The following PCDH7 variants were observed in gnomAD, a reference collection of about 807,000 sequenced individuals.
PCDH7 encodes protocadherin-7.
A neutral mutation model predicts 58.9 loss-of-function variants in PCDH7; 17 were observed. That is an observed-to-expected ratio of 0.29 (90% confidence interval 0.20 to 0.43). The LOEUF (loss-of-function observed/expected upper bound fraction) is 0.43, where lower values mean the gene tolerates loss of function less well. Among genes scored for constraint, PCDH7 ranks in the 20% least tolerant of loss-of-function variants. The pLI, the probability that PCDH7 is intolerant of heterozygous loss-of-function variation, is 1.00. For missense variants in PCDH7, 1,274 were observed against 1,441.0 expected (o/e 0.88, Z 1.88); for synonymous variants, 664 against 616.4 (o/e 1.08, Z -1.14).
chr4:30,774,549 A>G (rs1020604534), intron 1 of PCDH7, among the ~76,000 whole-genome samples: 4 of 152,184 alleles, frequency 2.6e-5, no homozygotes, highest in African/African-American at 9.7e-5. Context: ...GCTAGGCACA[A>G]CAGAAGCCGG....
At chr4:30,984,981 G>A (rs1750851553) in intron 3 of PCDH7, among the ~76,000 whole-genome samples, 1 of 151,998 alleles carries the variant, frequency 6.6e-6, no homozygotes, top group Non-Finnish European at 1.5e-5. Context: ...TGTTGTTGTT[G>A]TTTTGGACAG....
chr4:30,804,757 T>C (rs1725971894), intron 1 of PCDH7, among the ~76,000 whole-genome samples: 1 of 152,160 alleles, frequency 6.6e-6, no homozygotes, highest in Admixed American at 6.5e-5. Context: ...AAGATTATTA[T>C]ATCGCCAGAA....
Position 30,723,609 on chromosome 4 carries a change from G to T in PCDH7, c.2187G>T (p.Ser729=), listed in dbSNP as rs758865108. 1.9e-6 allele frequency: 3 copies of T among 1,614,136 alleles called. No homozygotes were observed. The highest frequency in any genetic ancestry group is 2.5e-6 in the Non-Finnish European group (3 of 1,180,024). Residue 729 remains serine (S), a synonymous_variant, in exon 1 of 2, where the codon TCG becomes TCT. Coordinates refer to ENST00000361762, the Ensembl canonical transcript of PCDH7. The surrounding 1 kb of genome is among the most constrained non-coding windows in gnomAD (Gnocchi z 4.6). The stretch of plus-strand genomic sequence containing the variant: ...CCAGATCTGCCACAGCTACAGTCTC[G>T]CTTTTTGTGATGGATGAAAATGACA...
At chr4:30,989,110 G>T (rs1006856302) in intron 3 of PCDH7, among the ~76,000 whole-genome samples, 1 of 151,864 alleles carries the variant, frequency 6.6e-6, no homozygotes, top group African/African-American at 2.4e-5. Context: ...TGCCTGAATT[G>T]TGAATGCAAA....
At chr4:30,874,977 C>T (rs768999813) in intron 1 of PCDH7, among the ~76,000 whole-genome samples, 9 of 151,956 alleles carry the variant, frequency 5.9e-5, no homozygotes, top group Non-Finnish European at 8.8e-5. Flanking sequence ...ACAAATTCTC[C>T]CACCTTCACC....
At chr4:31,044,813 C>A (rs1004150373) in intron 3 of PCDH7, among the ~76,000 whole-genome samples, 17 of 152,010 alleles carry the variant, frequency 1.1e-4, no homozygotes, top group African/African-American at 4.1e-4. Context: ...TTCACTATAG[C>A]TGTCTTTCCT....
Position 31,078,435 on chromosome 4 carries a change from A to G in PCDH7, c.*8-64038A>G, listed in dbSNP as rs562474092. On this transcript the variant is annotated intron_variant, in intron 3 of 3. Transcript: ENST00000509759. ...GTAGCCAGGGCTACAGGCACATGTC[A>G]ATATGCTTGGCTAACTTTTTTTTTC... Among the ~76,000 whole-genome samples the G allele has an allele frequency of 8.6e-5, 13 of 151,792 alleles. 1 individual carries two copies. Among genetic ancestry groups the G allele is most frequent in the Admixed American group, 3.9e-4 (6 of 15,236 alleles).
chr4:31,011,795 TTGAC>T (rs1753205519), intron 3 of PCDH7, among the ~76,000 whole-genome samples: 1 of 152,004 alleles, frequency 6.6e-6, no homozygotes, highest in African/African-American at 2.4e-5. Flanking sequence ...CTAAAGGAAA[TTGAC>T]AAATTACATA....
chr4:30,770,221 T>C (rs556505565), intron 1 of PCDH7, among the ~76,000 whole-genome samples: 1 of 152,304 alleles, frequency 6.6e-6, no homozygotes, highest in Admixed American at 6.5e-5. Context: ...ACAAGTAATA[T>C]CTGTTCTAAA....
At chr4:30,955,790 C>A (rs959604371) in intron 3 of PCDH7, among the ~76,000 whole-genome samples, 64 of 151,924 alleles carry the variant, frequency 4.2e-4, no homozygotes, top group African/African-American at 1.5e-3. Context: ...CTCAAGTGAT[C>A]GTCCCGCCCC....
chr4:30,755,798 A>G (rs529216251), intron 1 of PCDH7, among the ~76,000 whole-genome samples: 1 of 152,192 alleles, frequency 6.6e-6, no homozygotes, highest in Non-Finnish European at 1.5e-5. Flanking sequence ...AACATGGTGG[A>G]GGCCAGGTGC....
intron 3 of PCDH7, among the ~76,000 whole-genome samples, chr4:31,114,679 G>C (rs1716780011): frequency 6.8e-6 from 1 of 147,428 alleles, no homozygotes; most frequent in Non-Finnish European, 1.5e-5. Context: ...GAAGAGATGG[G>C]GAGGGAGGAG....
intron 1 of PCDH7, among the ~76,000 whole-genome samples, chr4:30,870,571 A>G (rs1036056727): frequency 6.6e-6 from 1 of 152,160 alleles, no homozygotes; most frequent in African/African-American, 2.4e-5. Flanking sequence ...CCTCCTAACC[A>G]TAGAAGGCTT....
At position 30,722,502 on chromosome 4, in the gene PCDH7, TGAC is replaced by T; in HGVS notation, c.1083_1085del (p.Asp361del). ...AGTCGGTGAGGCGGCTGCTGCGCCT[TGAC>T]GAGACGTCCGGCTGGCTCAGCGTCC... On this transcript the variant is annotated inframe_deletion, in exon 1 of 2. Transcript: ENST00000361762. This position sits in a 1 kb window ranked among gnomAD's most constrained non-coding sequence, Gnocchi z 7.6. 1 of 1,609,782 alleles carries T rather than the reference TGAC, an allele frequency of 6.2e-7. No homozygotes were observed. Among genetic ancestry groups the T allele is most frequent in the Non-Finnish European group, 8.5e-7 (1 of 1,178,566 alleles).
At chr4:30,995,338 C>G (rs933282101) in intron 3 of PCDH7, among the ~76,000 whole-genome samples, 1 of 152,012 alleles carries the variant, frequency 6.6e-6, no homozygotes, top group Admixed American at 6.6e-5. Context: ...CGGTGAAACC[C>G]TGTCTCTACT....
At chr4:31,035,247 C>CTTTTTTTTTTTTTTTTTT (rs35099580) in intron 3 of PCDH7, among the ~76,000 whole-genome samples, 1 of 99,380 alleles carries the variant, frequency 1.0e-5, no homozygotes, top group Non-Finnish European at 1.8e-5. Flanking sequence ...CCTTTTTTCC[C>CTTTTTTTTTTTTTTTTTT]TTTTTTTTTT....
intron 3 of PCDH7, among the ~76,000 whole-genome samples, chr4:30,963,750 G>A (rs771221093): frequency 2.7e-4 from 41 of 152,106 alleles, no homozygotes; most frequent in Non-Finnish European, 4.7e-4. Context: ...GCACAACCAA[G>A]TGAACTACCC....
chr4:30,779,368 T>A (rs909180289), intron 1 of PCDH7, among the ~76,000 whole-genome samples: 8 of 152,160 alleles, frequency 5.3e-5, no homozygotes, highest in Non-Finnish European at 1.0e-4. Context: ...TAGATAGTAA[T>A]GTAATGTCTT....
chr4:31,118,451 G>A (rs772652913), intron 3 of PCDH7, among the ~76,000 whole-genome samples: 24 of 152,018 alleles, frequency 1.6e-4, no homozygotes, highest in African/African-American at 4.8e-4. Context: ...GTCATTTGGC[G>A]GTCTTTCCGT....
Sources: allele counts gnomAD v4.1 joint callset (sites outside exome capture counted in the v4.1 genomes callset), GRCh38; gene constraint gnomAD v4.1.1; non-coding constraint Gnocchi (gnomAD v3.1); transcripts MANE v1.5; gene names NCBI Gene and HGNC (gene_info 2026-07-23, HGNC 2026-07-21).